BMAL2: variants seen among roughly 807,000 people sequenced by gnomAD.
The protein encoded by BMAL2 is basic helix-loop-helix ARNT like 2.
chr12:27,366,940 G>A, the BMAL2 span, among the ~76,000 whole-genome samples: 1 of 152,012 alleles, frequency 6.6e-6, no homozygotes, highest in African/African-American at 2.4e-5. Context: ...GATGACAGTC[G>A]GCCCCTCTTA....
chr12:27,361,617 A>G, the BMAL2 span, among the ~76,000 whole-genome samples: 1 of 152,220 alleles, frequency 6.6e-6, no homozygotes, highest in Non-Finnish European at 1.5e-5. Context: ...GCAGATGTAT[A>G]TGTGGAGGCA....
the BMAL2 span, among the ~76,000 whole-genome samples, chr12:27,410,868 A>T: frequency 6.6e-6 from 1 of 152,142 alleles, no homozygotes; most frequent in Non-Finnish European, 1.5e-5. Context: ...GAATTTGTAA[A>T]TAAAAATATT....
chr12:27,348,214 C>T, the BMAL2 span, among the ~76,000 whole-genome samples: 1 of 152,200 alleles, frequency 6.6e-6, no homozygotes, highest in East Asian at 1.9e-4. Context: ...GCCTTGGGCT[C>T]TCACTTTGCC....
At chr12:27,417,854 G>A in the BMAL2 span, among the ~76,000 whole-genome samples, 5 of 152,032 alleles carry the variant, frequency 3.3e-5, no homozygotes, top group East Asian at 7.7e-4. Context: ...TTAGCCGGGC[G>A]TGGTGGCACA....
the BMAL2 span, among the ~76,000 whole-genome samples, chr12:27,378,848 T>C: frequency 6.6e-6 from 1 of 152,152 alleles, no homozygotes; most frequent in Admixed American, 6.5e-5. Context: ...AGAGAAGACA[T>C]ATTTAAGAAA....
At chr12:27,403,427 A>T in the BMAL2 span, 1 of 1,534,632 alleles carries the variant, frequency 6.5e-7, no homozygotes, top group Non-Finnish European at 9.0e-7. Context: ...TTTTGCTGTT[A>T]CTTAGAATCC....
At chr12:27,399,365 T>A in the BMAL2 span, among the ~76,000 whole-genome samples, 1 of 152,154 alleles carries the variant, frequency 6.6e-6, no homozygotes, top group African/African-American at 2.4e-5. Flanking sequence ...CAGCAAATGG[T>A]GTGGCATTAG....
At chr12:27,386,713 T>A in the BMAL2 span, among the ~76,000 whole-genome samples, 2 of 152,166 alleles carry the variant, frequency 1.3e-5, no homozygotes, top group African/African-American at 4.8e-5. Flanking sequence ...CACTGCACCC[T>A]CCACCTCCCG....
the BMAL2 span, among the ~76,000 whole-genome samples, chr12:27,402,255 C>G: frequency 6.6e-6 from 1 of 151,750 alleles, no homozygotes; most frequent in Non-Finnish European, 1.5e-5. Context: ...TGTAAGGTTT[C>G]CTTGAACCAG....
At chr12:27,333,200 C>T in the BMAL2 span, 9 of 1,148,404 alleles carry the variant, frequency 7.8e-6, no homozygotes, top group Non-Finnish European at 9.7e-6. Context: ...CCCCGCTGCC[C>T]CGAGGGAAGC....
At chr12:27,416,360 T>G in the BMAL2 span, among the ~76,000 whole-genome samples, 67 of 152,198 alleles carry the variant, frequency 4.4e-4, no homozygotes, top group East Asian at 8.7e-3. Context: ...TTGTAATAGG[T>G]TCCAATTTAG....
chr12:27,408,753 G>T, the BMAL2 span, among the ~76,000 whole-genome samples: 1 of 152,196 alleles, frequency 6.6e-6, no homozygotes, highest in South Asian at 2.1e-4. Context: ...GGGCAATAAG[G>T]AAGGAGAAGG....
At chr12:27,401,152 C>T in the BMAL2 span, 1 of 897,898 alleles carries the variant, frequency 1.1e-6, no homozygotes, top group Non-Finnish European at 1.8e-6. Flanking sequence ...CACTCATCCC[C>T]TACCCTGTGC....
the BMAL2 span, among the ~76,000 whole-genome samples, chr12:27,361,546 C>T: frequency 2.0e-5 from 3 of 152,166 alleles, no homozygotes; most frequent in East Asian, 5.8e-4. Context: ...CATATACTTC[C>T]AAAATGAGTT....
the BMAL2 span, among the ~76,000 whole-genome samples, chr12:27,406,616 A>C: frequency 5.9e-4 from 90 of 152,352 alleles, no homozygotes; most frequent in South Asian, 0.017. Context: ...GAAAGGAACA[A>C]CCAGTACCAG....
chr12:27,405,783 T>C, the BMAL2 span, among the ~76,000 whole-genome samples: 1 of 151,880 alleles, frequency 6.6e-6, no homozygotes, highest in Non-Finnish European at 1.5e-5. Flanking sequence ...CTTCAGATGA[T>C]CAAACTACTC....
At chr12:27,347,707 T>C in the BMAL2 span, among the ~76,000 whole-genome samples, 2 of 152,206 alleles carry the variant, frequency 1.3e-5, no homozygotes, top group African/African-American at 4.8e-5. Context: ...ACATTATTCT[T>C]CTGATGTTCA....
chr12:27,385,270 C>T, the BMAL2 span, among the ~76,000 whole-genome samples: 11 of 152,114 alleles, frequency 7.2e-5, no homozygotes, highest in South Asian at 2.1e-4. Context: ...GCTGAGATTG[C>T]GCGACCGCAC....
At chr12:27,400,192 G>T in the BMAL2 span, among the ~76,000 whole-genome samples, 3 of 152,146 alleles carry the variant, frequency 2.0e-5, no homozygotes, top group Non-Finnish European at 4.4e-5. Context: ...GGGGCATGAG[G>T]ATTAATTTTT....
Sources: gnomAD v4.1 joint callset for allele counts (sites outside exome capture counted in the v4.1 genomes callset) on GRCh38, gnomAD v4.1.1 for gene constraint, MANE v1.5 for transcripts, NCBI Gene and HGNC (gene_info 2026-07-23, HGNC 2026-07-21) for gene names.